NLGN1: variants seen among roughly 807,000 people sequenced by gnomAD.
The protein encoded by NLGN1 is neuroligin-1.
NLGN1 carries 12 observed loss-of-function variants against 65.5 expected under a neutral mutation model. The ratio of observed to expected loss-of-function variants is 0.18; its 90% CI spans 0.12 to 0.30. NLGN1 has a LOEUF of 0.30. NLGN1 is among the 10% of genes least tolerant of loss of function. The pLI is 1.00. For synonymous variants in NLGN1, 350 were observed against 359.5 expected, an observed-to-expected ratio of 0.97 and a Z score of 0.30; for missense variants, 750 against 1,007.1, an observed-to-expected ratio of 0.74 and a Z score of 3.46.
intron 2 of NLGN1, among the ~76,000 whole-genome samples, chr3:173,574,103 AC>A (rs1342932430): frequency 6.6e-6 from 1 of 151,330 alleles, no homozygotes; most frequent in African/African-American, 2.4e-5. Context: ...AAAAGAAAAA[AC>A]ATTGCCATTA....
rs188893815 is a variant in NLGN1 at position 174,062,577 on chromosome 3, A to T, written c.647-212738A>T. Among the ~76,000 whole-genome samples the T allele has an allele frequency of 5.3e-4, 80 of 152,172 alleles. 1 individual carries two copies. Among genetic ancestry groups the T allele is most frequent in the African/African-American group, 1.7e-3 (71 of 41,574 alleles). On this transcript the variant is annotated intron_variant, in intron 4 of 6. Transcript: ENST00000457714. Reference sequence around the variant, plus strand: ...TATTCTCTAAAAAAAAACACTAATTATATGAACCAGAATGTTACATGACAG... The same window carrying T: ...TATTCTCTAAAAAAAAACACTAATTTTATGAACCAGAATGTTACATGACAG...
In NLGN1 at chr3:174,123,279, C is replaced by T. The variant is rs1057092848; in HGVS notation, c.647-152036C>T. On this transcript the variant is annotated intron_variant, in intron 4 of 6. Transcript: ENST00000457714. ...ATTAATGGCCACCAGAGTAGCAGAACATTGGGATTTGTTGCTGGTGAATTA... is the reference window on the plus strand; with the variant it reads ...ATTAATGGCCACCAGAGTAGCAGAATATTGGGATTTGTTGCTGGTGAATTA... Among the ~76,000 whole-genome samples, 8 of 152,192 alleles carry T rather than the reference C, an allele frequency of 5.3e-5. No individual in the cohort carries two copies. The South Asian group carries it at 1.7e-3, about 32-fold the overall frequency.
At chr3:173,961,920 TC>T (rs1713676811) in intron 4 of NLGN1, among the ~76,000 whole-genome samples, 1 of 152,054 alleles carries the variant, frequency 6.6e-6, no homozygotes, top group African/African-American at 2.4e-5. Flanking sequence ...GACTAATTTG[TC>T]CCCCATGGGT....
intron 4 of NLGN1, among the ~76,000 whole-genome samples, chr3:174,006,093 A>T (rs1724324692): frequency 6.6e-6 from 1 of 152,070 alleles, no homozygotes; most frequent in Non-Finnish European, 1.5e-5. Flanking sequence ...TGCCTAACAT[A>T]ATGGTCTTTC....
chr3:173,749,921 T>C (rs375309786), intron 3 of NLGN1, among the ~76,000 whole-genome samples: 58 of 152,182 alleles, frequency 3.8e-4, no homozygotes, highest in African/African-American at 1.4e-3. Context: ...TCCTGGTAAT[T>C]ATTGGATACT....
intron 4 of NLGN1, among the ~76,000 whole-genome samples, chr3:173,967,799 C>T (rs1012936332): frequency 6.6e-6 from 1 of 152,122 alleles, no homozygotes; most frequent in African/African-American, 2.4e-5. Flanking sequence ...CCAATGAATA[C>T]ATATTATGTG....
chr3:174,044,287 G>C (rs996755957), intron 4 of NLGN1, among the ~76,000 whole-genome samples: 1 of 152,114 alleles, frequency 6.6e-6, no homozygotes, highest in Non-Finnish European at 1.5e-5. Flanking sequence ...ATTAACATTT[G>C]GTCCCTCATT....
intron 4 of NLGN1, among the ~76,000 whole-genome samples, chr3:173,961,813 C>T (rs1458640363): frequency 6.6e-6 from 1 of 151,940 alleles, no homozygotes; most frequent in African/African-American, 2.4e-5. Context: ...ACATAAGCTA[C>T]CCTGAGTTAG....
At chr3:173,549,243 TTACC>T (rs1740439761) in intron 2 of NLGN1, among the ~76,000 whole-genome samples, 1 of 152,054 alleles carries the variant, frequency 6.6e-6, no homozygotes, top group African/African-American at 2.4e-5. Context: ...TCACTCATAC[TTACC>T]TGTTTCCTGA....
intron 2 of NLGN1, among the ~76,000 whole-genome samples, chr3:173,572,600 C>G (rs1744824503): frequency 1.3e-5 from 2 of 152,204 alleles, no homozygotes; most frequent in Admixed American, 1.3e-4. Flanking sequence ...TTCATATTTA[C>G]TGGTCATTCT....
intron 2 of NLGN1, among the ~76,000 whole-genome samples, chr3:173,538,001 T>C (rs932815681): frequency 5.9e-5 from 9 of 152,160 alleles, no homozygotes; most frequent in Admixed American, 2.0e-4. Flanking sequence ...AATGGAATAA[T>C]TGTTGTGTCA....
chr3:174,149,841 T>C (rs1724004570), intron 4 of NLGN1, among the ~76,000 whole-genome samples: 1 of 152,166 alleles, frequency 6.6e-6, no homozygotes, highest in East Asian at 1.9e-4. Context: ...TTTGAGAGCT[T>C]TTGAATAACT....
chr3:173,445,330 G>A (rs1452580712), intron 2 of NLGN1, among the ~76,000 whole-genome samples: 1 of 149,302 alleles, frequency 6.7e-6, no homozygotes, highest in African/African-American at 2.5e-5. Context: ...ATGGTTTCCT[G>A]TCAGTTGGTG....
At chr3:173,530,092 G>T (rs1228736969) in intron 2 of NLGN1, among the ~76,000 whole-genome samples, 1 of 151,960 alleles carries the variant, frequency 6.6e-6, no homozygotes, top group Admixed American at 6.6e-5. Flanking sequence ...TGAGTAGCTG[G>T]TACAGTTACA....
chr3:174,240,143 A>G (rs191458533), intron 4 of NLGN1, among the ~76,000 whole-genome samples: 130 of 152,278 alleles, frequency 8.5e-4, no homozygotes, highest in Non-Finnish European at 1.8e-3. Flanking sequence ...AACAGTAATG[A>G]TAGATTTTAA....
At chr3:174,291,321 T>C (rs1752744822), downstream of NLGN1, among the ~76,000 whole-genome samples, 1 of 150,920 alleles carries the variant, frequency 6.6e-6, no homozygotes, top group African/African-American at 2.4e-5. Context: ...ACAAATACAA[T>C]GAAAGCTGTA....
chr3:174,041,877 A>G (rs940368565), intron 4 of NLGN1, among the ~76,000 whole-genome samples: 2 of 152,170 alleles, frequency 1.3e-5, no homozygotes, highest in African/African-American at 4.8e-5. Flanking sequence ...AACATGGTGA[A>G]ACTCTGTCTC....
intron 2 of NLGN1, among the ~76,000 whole-genome samples, chr3:173,477,028 T>G (rs1048508809): frequency 3.3e-5 from 5 of 152,100 alleles, no homozygotes; most frequent in Admixed American, 2.6e-4. Context: ...ATTCATGTTT[T>G]GATTTGTTGA....
chr3:173,844,040 T>C (rs1725294521), intron 4 of NLGN1, among the ~76,000 whole-genome samples: 1 of 152,158 alleles, frequency 6.6e-6, no homozygotes, highest in Non-Finnish European at 1.5e-5. Flanking sequence ...ATAAGTCACA[T>C]CTTACATGGA....
Sources: gnomAD v4.1 joint callset for allele counts (sites outside exome capture counted in the v4.1 genomes callset) on GRCh38, gnomAD v4.1.1 for gene constraint, MANE v1.5 for transcripts, NCBI Gene and HGNC (gene_info 2026-07-23, HGNC 2026-07-21) for gene names.